KCNAB2: variants seen among roughly 807,000 people sequenced by gnomAD.
KCNAB2 encodes the protein potassium voltage-gated channel subfamily A regulatory beta subunit 2, also known as voltage-gated potassium channel subunit beta-2.
In KCNAB2, 29 loss-of-function variants were observed where a neutral mutation model predicts 63.6. The ratio of observed to expected loss-of-function variants is 0.46; its 90% CI spans 0.34 to 0.62. KCNAB2 has a LOEUF of 0.62. Among genes scored for constraint, KCNAB2 ranks in the 20% least tolerant of loss-of-function variants. KCNAB2 has a pLI of 0.01. For missense variants in KCNAB2, 359 were observed against 563.9 expected (o/e 0.64, Z 3.68); for synonymous variants, 222 against 224.2 (o/e 0.99, Z 0.09).
Position 6,096,854 on chromosome 1 carries a change from C to T in KCNAB2, c.1069+98C>T, listed in dbSNP as rs1235787226. On this transcript the variant is annotated intron_variant, in intron 14 of 15. Coordinates refer to ENST00000378083, the MANE Select transcript of KCNAB2 (RefSeq NM_001199862.2). The surrounding 1 kb of genome is among the most constrained non-coding windows in gnomAD (Gnocchi z 5.9). ...GGGGTTGCCATGGGGCCAGTGTCTC[C>T]GGGGAGAGAGGGAAGGGATCCCTGG... is the stretch of plus-strand genomic sequence containing the variant. The T allele has an allele frequency of 1.1e-5, 15 of 1,395,246 alleles. No homozygotes were observed. Among genetic ancestry groups the T allele is most frequent in the East Asian group, 1.0e-4 (4 of 39,124 alleles). 86.4% of individuals were successfully genotyped at this position (1,395,246 alleles called of 1,614,324 possible).
intron 2 of KCNAB2, among the ~76,000 whole-genome samples, chr1:6,057,852 A>G (rs904642558): frequency 1.3e-5 from 2 of 151,900 alleles, no homozygotes; most frequent in Non-Finnish European, 2.9e-5. Flanking sequence ...CTCTCTCCTT[A>G]TAAGAACACC....
At chr1:6,083,721 T>C (rs978383213) in intron 5 of KCNAB2, among the ~76,000 whole-genome samples, 1 of 152,156 alleles carries the variant, frequency 6.6e-6, no homozygotes, top group Non-Finnish European at 1.5e-5. Context: ...AGAAACTGCT[T>C]TGGGGAGTTT....
At position 6,086,423 on chromosome 1, in the gene KCNAB2, C is replaced by T. The variant is rs546701824; in HGVS notation, c.426-1044C>T. 1 of 974,188 alleles carries T rather than the reference C, an allele frequency of 1.0e-6. No homozygotes were observed. Among genetic ancestry groups the T allele is most frequent in the East Asian group, 1.1e-4 (1 of 8,768 alleles). 60.3% of individuals were successfully genotyped at this position (974,188 alleles called of 1,614,324 possible). On this transcript the variant is annotated intron_variant, in intron 6 of 15. Coordinates refer to ENST00000378083, the MANE Select transcript of KCNAB2 (RefSeq NM_001199862.2). This position sits in a 1 kb window ranked among gnomAD's most constrained non-coding sequence, Gnocchi z 4.2. Reference sequence around the variant, plus strand: ...TGCATGGAGGTGGTGTGGGGTGATCCCCCTTCCTGGAGGTGACGCTGCCTC... The same window carrying T: ...TGCATGGAGGTGGTGTGGGGTGATCTCCCTTCCTGGAGGTGACGCTGCCTC...
rs1456354420 is a variant in KCNAB2 at position 6,078,276 on chromosome 1, A to G, written c.301-3919A>G. On this transcript the variant is annotated intron_variant, in intron 4 of 15. Coordinates refer to ENST00000378083, the MANE Select transcript of KCNAB2 (RefSeq NM_001199862.2). The surrounding 1 kb of genome is among the most constrained non-coding windows in gnomAD (Gnocchi z 4.2). The stretch of plus-strand genomic sequence containing the variant: ...TCACCTGTGATGGCACTGAGGGCCC[A>G]CTTAGCTAAGCCAGGACATTCTCCC... Among the ~76,000 whole-genome samples, 2 of 152,172 alleles carry G rather than the reference A, an allele frequency of 1.3e-5. No individual in the cohort carries two copies. The highest frequency in any genetic ancestry group is 4.8e-5 in the African/African-American group (2 of 41,426).
intron 1 of KCNAB2, 134 bp from the exon 2 acceptor site, chr1:6,051,377 C>A: frequency 1.8e-6 from 2 of 1,110,864 alleles, no homozygotes; most frequent in Non-Finnish European, 2.4e-6. Context: ...GGTCCCACTC[C>A]TAGACACCAA....
chr1:5,996,451 C>T (rs1436552163), intron 1 of KCNAB2, among the ~76,000 whole-genome samples: 1 of 152,226 alleles, frequency 6.6e-6, no homozygotes, highest in Non-Finnish European at 1.5e-5. Context: ...ACTCAGACCC[C>T]TGCTGGCCAG....
At chr1:5,995,311 G>C (rs1458768222) in intron 1 of KCNAB2, among the ~76,000 whole-genome samples, 1 of 152,220 alleles carries the variant, frequency 6.6e-6, no homozygotes, top group African/African-American at 2.4e-5. Flanking sequence ...GGAAGGACAG[G>C]CTTCTCCAGG....
intron 1 of KCNAB2, among the ~76,000 whole-genome samples, chr1:6,019,853 G>A (rs1047047921): frequency 2.0e-5 from 3 of 152,224 alleles, no homozygotes; most frequent in South Asian, 2.1e-4. Context: ...TATGGCAGGT[G>A]TCCTCAGATG....
chr1:6,040,815 A>G (rs1660440591), intron 2 of KCNAB2, among the ~76,000 whole-genome samples: 2 of 152,268 alleles, frequency 1.3e-5, no homozygotes, highest in Admixed American at 1.3e-4. Context: ...GTTTTCTCCA[A>G]GAAAGGAGCA....
chr1:6,003,504 T>A lies in KCNAB2; in HGVS notation c.-53+10716T>A, dbSNP rs925757765. Among the ~76,000 whole-genome samples the A allele has an allele frequency of 6.6e-6, 1 of 152,164 alleles. No individual in the cohort carries two copies. The highest frequency in any genetic ancestry group is 1.5e-5 in the Non-Finnish European group (1 of 68,020). On this transcript the variant is annotated intron_variant, in intron 1 of 16. Coordinates refer to the KCNAB2 transcript ENST00000341524. This position sits in a 1 kb window ranked among gnomAD's most constrained non-coding sequence, Gnocchi z 4.1. ...AGGAGCACTCACTGAGTGGCCACAT[T>A]ATACCCTCCCGTTTGTCTATAGTTC...
chr1:6,092,415 G>A (rs900050250), intron 10 of KCNAB2, among the ~76,000 whole-genome samples: 31 of 152,270 alleles, frequency 2.0e-4, no homozygotes, highest in Admixed American at 1.8e-3. Context: ...GGCAGCATGC[G>A]GTTTCACTGG....
At chr1:6,017,412 G>C (rs905281205) in intron 1 of KCNAB2, among the ~76,000 whole-genome samples, 15 of 118,770 alleles carry the variant, frequency 1.3e-4, no homozygotes, top group African/African-American at 3.6e-4. Context: ...CTGGCTGTGT[G>C]TGTGTGTGTG....
At chr1:6,080,319 G>C (rs1407256993) in intron 4 of KCNAB2, among the ~76,000 whole-genome samples, 1 of 152,204 alleles carries the variant, frequency 6.6e-6, no homozygotes, top group Non-Finnish European at 1.5e-5. Context: ...TGCTGGGAAG[G>C]AAAGTGCTAG....
At chr1:6,095,465 G>GCCGCCCCCC in intron 12 of KCNAB2, 22 bp downstream of exon 12, 1 of 1,586,184 alleles carries the variant, frequency 6.3e-7, no homozygotes, top group Non-Finnish European at 8.6e-7. Flanking sequence ...CGGGCCCCTC[G>GCCGCCCCCC]CCCCGCCCCA....
chr1:6,052,116 A>G (rs550892136), intron 2 of KCNAB2, among the ~76,000 whole-genome samples: 5 of 151,530 alleles, frequency 3.3e-5, no homozygotes, highest in Non-Finnish European at 1.5e-5. Context: ...AACAACAACA[A>G]AAATGTATAA....
At chr1:6,039,967 G>A (rs1452939282) in intron 1 of KCNAB2, among the ~76,000 whole-genome samples, 2 of 152,144 alleles carry the variant, frequency 1.3e-5, no homozygotes, top group Non-Finnish European at 2.9e-5. Flanking sequence ...CTCCAGGACA[G>A]GGGCTGCCCA....
intron 2 of KCNAB2, among the ~76,000 whole-genome samples, chr1:6,059,965 A>G (rs895228175): frequency 1.3e-5 from 2 of 152,160 alleles, no homozygotes; most frequent in African/African-American, 4.8e-5. Flanking sequence ...CGCCAGTGGG[A>G]TGTGCGCTCT....
intron 10 of KCNAB2, among the ~76,000 whole-genome samples, chr1:6,094,107 A>G (rs940335687): frequency 7.2e-5 from 11 of 152,270 alleles, no homozygotes; most frequent in Middle Eastern, 6.8e-3. Flanking sequence ...CTAATCTACC[A>G]TAGAAACATC....
Position 6,087,455 on chromosome 1 carries a change from T to C in KCNAB2, c.426-12T>C. 6.2e-7 allele frequency: 1 copy of C among 1,614,026 alleles called. No individual in the cohort carries two copies. The highest frequency in any genetic ancestry group is 8.5e-7 in the Non-Finnish European group (1 of 1,179,954). Reference sequence around the variant, plus strand: ...GGCTTATCACACCCCTTCTTTCTCTTCTGTTCCACAGGCGGTCCAGCCTCG... The same window carrying C: ...GGCTTATCACACCCCTTCTTTCTCTCCTGTTCCACAGGCGGTCCAGCCTCG... On this transcript the variant is annotated splice_polypyrimidine_tract_variant and intron_variant, in intron 6 of 15. Coordinates refer to ENST00000378083, the MANE Select transcript of KCNAB2 (RefSeq NM_001199862.2). This position sits in a 1 kb window ranked among gnomAD's most constrained non-coding sequence, Gnocchi z 6.4.
Sources: allele counts gnomAD v4.1 joint callset (sites outside exome capture counted in the v4.1 genomes callset), GRCh38; gene constraint gnomAD v4.1.1; non-coding constraint Gnocchi (gnomAD v3.1); transcripts MANE v1.5; gene names NCBI Gene and HGNC (gene_info 2026-07-23, HGNC 2026-07-21).